CSMD3: variants seen among roughly 807,000 people sequenced by gnomAD.
The protein encoded by CSMD3 is CUB and sushi domain-containing protein 3.
CSMD3 carries 177 observed loss-of-function variants against 435.2 expected under a neutral mutation model. That is an observed-to-expected ratio of 0.41 (90% CI 0.36 to 0.46). The LOEUF is 0.46. CSMD3 is among the 20% of genes least tolerant of loss of function. CSMD3 has a pLI of 0.34. For synonymous variants in CSMD3, 1,656 were observed against 1,520.5 expected (o/e 1.09, Z -2.07); for missense variants, 4,265 against 4,504.6 (o/e 0.95, Z 1.52).
chr8:112,426,716 T>C (rs1813102576), intron 32 of CSMD3, among the ~76,000 whole-genome samples: 2 of 152,222 alleles, frequency 1.3e-5, no homozygotes, highest in Non-Finnish European at 2.9e-5. Flanking sequence ...ATATAAATTA[T>C]TGCACTATTT....
chr8:112,756,790 C>T (rs113663195), intron 13 of CSMD3, among the ~76,000 whole-genome samples: 2,840 of 143,762 alleles, frequency 0.02, 50 homozygotes, highest in Middle Eastern at 0.05. Flanking sequence ...TTTTTTGAGA[C>T]GGAAGTCTCA....
chr8:113,178,712 A>G (rs1204552172), intron 3 of CSMD3, among the ~76,000 whole-genome samples: 2 of 151,894 alleles, frequency 1.3e-5, no homozygotes, highest in Non-Finnish European at 2.9e-5. Flanking sequence ...GCAGTGAACA[A>G]GTATATTTGA....
In CSMD3 at chr8:112,406,520, T is replaced by C. The variant is rs758077493; in HGVS notation, c.5809+4A>G. 6.3e-7 allele frequency: 1 copy of C among 1,593,702 alleles called. No individual in the cohort carries two copies. Among genetic ancestry groups the C allele is most frequent in the East Asian group, 2.2e-5 (1 of 44,564 alleles). The stretch of plus-strand genomic sequence containing the variant: ...TCACAGATCATACAAATTTATATAC[T>C]CACCAATACAAGTAGGTAAGGAATC... On this transcript the variant is annotated splice_donor_region_variant and intron_variant, in intron 35 of 70. Transcript: ENST00000297405.
At chr8:112,593,377 T>C (rs999281922) in intron 22 of CSMD3, among the ~76,000 whole-genome samples, 28 of 152,202 alleles carry the variant, frequency 1.8e-4, no homozygotes, top group Middle Eastern at 3.4e-3. Context: ...GAAGAGGAGA[T>C]GCCAAAGTAA....
At chr8:112,577,561 G>A (rs555794278) in intron 23 of CSMD3, among the ~76,000 whole-genome samples, 26 of 152,010 alleles carry the variant, frequency 1.7e-4, no homozygotes, top group African/African-American at 6.0e-4. Context: ...TTGACTTAAG[G>A]ATTAATATCA....
chr8:113,293,280 T>C (rs2093698458), intron 2 of CSMD3, among the ~76,000 whole-genome samples: 1 of 151,754 alleles, frequency 6.6e-6, no homozygotes, highest in African/African-American at 2.4e-5. Context: ...CTTGGATATC[T>C]AATCCACATC....
Position 113,173,724 on chromosome 8 carries a change from C to T in CSMD3, c.707G>A (p.Arg236Lys), listed in dbSNP as rs1396276177. 1 of 1,608,592 alleles carries T rather than the reference C, an allele frequency of 6.2e-7. No individual in the cohort carries two copies. The highest frequency in any genetic ancestry group is 1.1e-5 in the South Asian group (1 of 90,964). ...TTTTTAAAGTGTTTTCATTTTACCT[C>T]TACAGATAGGAACAGGAAAATCCCA... The part of the protein sequence containing the change: ...ASWDFPVPIC[R>K]AEDACGGTMR... Residue 236 changes from arginine (R) to lysine (K), a missense_variant and splice_region_variant, in exon 4 of 71, where the codon AGA becomes AAA. Physicochemically the swap from Arg to Lys is conservative, Grantham distance 26. Around this residue, in one of 3 missense-constraint regions of CSMD3, gnomAD observed 731 missense variants for 755.4 expected, o/e 0.97. Transcript: ENST00000297405.
chr8:112,424,693 T>C (rs1273998765), intron 32 of CSMD3, among the ~76,000 whole-genome samples: 2 of 151,952 alleles, frequency 1.3e-5, no homozygotes, highest in Admixed American at 1.3e-4. Context: ...ACTTACTTAT[T>C]TATTTATTTA....
At chr8:112,681,193 C>T (rs935331692) in intron 16 of CSMD3, among the ~76,000 whole-genome samples, 1 of 151,602 alleles carries the variant, frequency 6.6e-6, no homozygotes, top group African/African-American at 2.4e-5. Flanking sequence ...TGCCACCACA[C>T]CCGGCTAGTT....
At chr8:112,322,478 C>T (rs1157614130) in intron 45 of CSMD3, among the ~76,000 whole-genome samples, 1 of 152,020 alleles carries the variant, frequency 6.6e-6, no homozygotes, top group Non-Finnish European at 1.5e-5. Flanking sequence ...CATGGAGGGT[C>T]TGAGGTGTAA....
chr8:113,103,074 T>G (rs955560870), intron 4 of CSMD3, among the ~76,000 whole-genome samples: 59 of 152,288 alleles, frequency 3.9e-4, no homozygotes, highest in Admixed American at 3.0e-3. Flanking sequence ...CTCATTATCT[T>G]CAAAAGATTA....
chr8:112,678,204 T>C (rs951065392), intron 16 of CSMD3, among the ~76,000 whole-genome samples: 4 of 152,158 alleles, frequency 2.6e-5, no homozygotes, highest in South Asian at 2.1e-4. Context: ...AGGTGCTATC[T>C]GTAGACTCAG....
intron 38 of CSMD3, among the ~76,000 whole-genome samples, chr8:112,378,602 C>T (rs1454340170): frequency 6.6e-6 from 1 of 152,008 alleles, no homozygotes; most frequent in Non-Finnish European, 1.5e-5. Flanking sequence ...TAGGTGGAAG[C>T]TAAAAAAGTT....
At chr8:112,608,259 G>C (rs1203326314) in intron 22 of CSMD3, among the ~76,000 whole-genome samples, 1 of 151,800 alleles carries the variant, frequency 6.6e-6, no homozygotes. Context: ...GGAGGTAAAA[G>C]GTACACTGAA....
At chr8:113,098,537 T>C (rs2090233994) in intron 5 of CSMD3, 1 of 552,730 alleles carries the variant, frequency 1.8e-6, no homozygotes, top group Admixed American at 3.1e-5. Flanking sequence ...ACAATAGGAA[T>C]AACTTTTATT....
At chr8:113,401,073 T>C (rs1034478756) in intron 1 of CSMD3, among the ~76,000 whole-genome samples, 4 of 151,468 alleles carry the variant, frequency 2.6e-5, no homozygotes, top group Non-Finnish European at 4.4e-5. Context: ...GAGCAGACAA[T>C]GAAGATAAAA....
chr8:112,589,452 T>C (rs1326063390), intron 22 of CSMD3, among the ~76,000 whole-genome samples: 1 of 152,156 alleles, frequency 6.6e-6, no homozygotes, highest in African/African-American at 2.4e-5. Context: ...CAGTATCCGG[T>C]GGCTGTGATG....
chr8:112,454,995 A>T (rs1245972811), intron 32 of CSMD3, among the ~76,000 whole-genome samples: 1 of 151,712 alleles, frequency 6.6e-6, no homozygotes, highest in Non-Finnish European at 1.5e-5. Context: ...ACAACACTGC[A>T]CTCGAGCCTG....
At chr8:113,251,895 C>T (rs541710035) in intron 3 of CSMD3, among the ~76,000 whole-genome samples, 25 of 152,018 alleles carry the variant, frequency 1.6e-4, no homozygotes, top group African/African-American at 5.8e-4. Context: ...TCTTAGAAAT[C>T]CCATGAATTT....
Sources: allele counts gnomAD v4.1 joint callset (sites outside exome capture counted in the v4.1 genomes callset), GRCh38; gene constraint gnomAD v4.1.1; regional missense constraint gnomAD v4.1.1; transcripts MANE v1.5; gene names NCBI Gene and HGNC (gene_info 2026-07-23, HGNC 2026-07-21).